PIP5K1B: variants seen among roughly 807,000 people sequenced by gnomAD.
The protein encoded by PIP5K1B is phosphatidylinositol 4-phosphate 5-kinase type-1 beta.
A neutral mutation model predicts 67.0 loss-of-function variants in PIP5K1B; 42 were observed. The ratio of observed to expected loss-of-function variants is 0.63; its 90% CI spans 0.49 to 0.81. The LOEUF (loss-of-function observed/expected upper bound fraction) is 0.81, where lower values mean the gene tolerates loss of function less well. Ranked by LOEUF, PIP5K1B falls within the 30% of genes least tolerant of loss-of-function variation. The pLI, the probability that PIP5K1B is intolerant of heterozygous loss-of-function variation, is 0.00. For missense variants in PIP5K1B, 459 were observed against 646.3 expected (o/e 0.71, Z 3.14); for synonymous variants, 214 against 231.4 (o/e 0.92, Z 0.68).
At position 68,914,288 on chromosome 9, in the gene PIP5K1B, G is replaced by A. The variant is rs113725467; in HGVS notation, c.772-3260G>A. On this transcript the variant is annotated intron_variant, in intron 8 of 15. Coordinates refer to ENST00000265382, the MANE Select transcript of PIP5K1B (RefSeq NM_003558.4). Reference sequence around the variant, plus strand: ...TTAAGCTTGACCACTCCTAACTTGAGTAAATGATTCTGGGTGCCTTTTGGG... The same window carrying A: ...TTAAGCTTGACCACTCCTAACTTGAATAAATGATTCTGGGTGCCTTTTGGG... 2.6e-5 allele frequency among the ~76,000 whole-genome samples: 4 copies of A among 152,298 alleles called. 1 individual carries two copies. Among genetic ancestry groups the A allele is most frequent in the African/African-American group, 9.6e-5 (4 of 41,556 alleles).
chr9:68,959,816 T>C (rs1828617160), intron 14 of PIP5K1B, among the ~76,000 whole-genome samples: 1 of 152,236 alleles, frequency 6.6e-6, no homozygotes. Context: ...TCAAACTCTT[T>C]AAAATGTCTA....
At chr9:68,907,602 G>A (rs147046254) in intron 8 of PIP5K1B, among the ~76,000 whole-genome samples, 15 of 151,922 alleles carry the variant, frequency 9.9e-5, no homozygotes, top group African/African-American at 3.1e-4. Context: ...TGACTTTCCC[G>A]GGCCTCAGAT....
chr9:68,778,218 T>C (rs1019483610), intron 2 of PIP5K1B, among the ~76,000 whole-genome samples: 2 of 152,324 alleles, frequency 1.3e-5, no homozygotes, highest in African/African-American at 2.4e-5. Context: ...TGTAGTGCCT[T>C]TTGCAATTTT....
chr9:68,926,746 A>G (rs1447978030), intron 12 of PIP5K1B, among the ~76,000 whole-genome samples: 2 of 151,806 alleles, frequency 1.3e-5, no homozygotes, highest in Admixed American at 6.6e-5. Flanking sequence ...TAATTTTTGT[A>G]TTTTTAGTAG....
At chr9:68,812,608 C>T (rs1044668220) in intron 2 of PIP5K1B, among the ~76,000 whole-genome samples, 1 of 152,194 alleles carries the variant, frequency 6.6e-6, no homozygotes, top group African/African-American at 2.4e-5. Context: ...AGACATGAAC[C>T]TTGTGAGTAT....
At chr9:68,870,858 A>G (rs2132293238) in intron 5 of PIP5K1B, among the ~76,000 whole-genome samples, 2 of 152,348 alleles carry the variant, frequency 1.3e-5, no homozygotes, top group East Asian at 3.9e-4. Flanking sequence ...TTTTGTCAAA[A>G]GTCCTCAGAG....
chr9:68,888,610 T>C (rs1824605971), intron 6 of PIP5K1B, among the ~76,000 whole-genome samples: 1 of 152,224 alleles, frequency 6.6e-6, no homozygotes, highest in South Asian at 2.1e-4. Flanking sequence ...GTTCAAGTGA[T>C]AAAACACAGT....
At chr9:68,923,818 CAT>C (rs1468394934) in intron 12 of PIP5K1B, among the ~76,000 whole-genome samples, 1 of 152,122 alleles carries the variant, frequency 6.6e-6, no homozygotes, top group Non-Finnish European at 1.5e-5. Context: ...TAGGATGGAT[CAT>C]ATGTTAGGCC....
chr9:68,721,137 G>T (rs1044694546), intron 1 of PIP5K1B, among the ~76,000 whole-genome samples: 1 of 152,174 alleles, frequency 6.6e-6, no homozygotes, highest in Non-Finnish European at 1.5e-5. Flanking sequence ...TGTCAGCTGT[G>T]CTAAGGAGTT....
intron 8 of PIP5K1B, among the ~76,000 whole-genome samples, chr9:68,912,732 A>G (rs1429792260): frequency 1.3e-5 from 2 of 152,138 alleles, no homozygotes; most frequent in Admixed American, 6.5e-5. Context: ...GAGCAAGGAG[A>G]CTGAACCACC....
intron 1 of PIP5K1B, among the ~76,000 whole-genome samples, chr9:68,711,668 G>GT (rs1271567158): frequency 6.6e-6 from 1 of 152,092 alleles, no homozygotes; most frequent in Non-Finnish European, 1.5e-5. Flanking sequence ...GTTTATAGTA[G>GT]TCCTTTTTTT....
chr9:68,766,747 C>A (rs1830446246), intron 2 of PIP5K1B, among the ~76,000 whole-genome samples: 1 of 151,926 alleles, frequency 6.6e-6, no homozygotes. Context: ...AAATAAATAT[C>A]TCTTTATTAC....
chr9:68,732,304 G>A (rs1471498279), intron 1 of PIP5K1B, among the ~76,000 whole-genome samples: 1 of 152,160 alleles, frequency 6.6e-6, no homozygotes, highest in Admixed American at 6.5e-5. Flanking sequence ...GTTGTCAAAA[G>A]GAATTCCCTT....
chr9:68,863,954 G>T lies in PIP5K1B; in HGVS notation c.187G>T (p.Val63Leu). The T allele has an allele frequency of 6.2e-7, 1 of 1,613,776 alleles. No homozygotes were observed. The highest frequency in any genetic ancestry group is 8.5e-7 in the Non-Finnish European group (1 of 1,179,766). The stretch of plus-strand genomic sequence containing the variant: ...GCAAGACTTTTATGTGGTGGAAAGT[G>T]TGTTCCTACCCAGGTAAGAACATTT... ...LMQDFYVVES[V>L]FLPSEGSNLT... The change falls in exon 5 of 16, where the codon GTG (valine) becomes TTG (leucine). Residue 63 changes from valine to leucine, a missense_variant. Val to Leu is a conservative substitution (Grantham distance 32). Transcript: ENST00000265382.
chr9:68,806,679 C>T (rs774483581), intron 2 of PIP5K1B, among the ~76,000 whole-genome samples: 6 of 152,198 alleles, frequency 3.9e-5, no homozygotes, highest in Non-Finnish European at 7.3e-5. Context: ...TTCCCTTCTC[C>T]ACGCCTGCTC....
At chr9:68,780,230 G>GGGCGGT (rs1227283593) in intron 2 of PIP5K1B, 1 of 1,543,354 alleles carries the variant, frequency 6.5e-7, no homozygotes, top group Non-Finnish European at 8.7e-7. Context: ...GCCCGGCGGA[G>GGGCGGT]GGCGGTGGCA....
In PIP5K1B at chr9:68,863,924, C is replaced by A. The variant is rs1420919498; in HGVS notation, c.157C>A (p.Leu53Ile). Residue 53 changes from leucine to isoleucine, a missense_variant, in exon 5 of 16, where the codon CTT (leucine) becomes ATT (isoleucine). Leu to Ile is a conservative substitution (Grantham distance 5). Coordinates refer to ENST00000265382, the MANE Select transcript of PIP5K1B (RefSeq NM_003558.4). ...CACTTCCAAGCCAGAACGAGATGTT[C>A]TTATGCAAGACTTTTATGTGGTGGA... ...NLTSKPERDV[L>I]MQDFYVVESV... 2 of 1,613,894 alleles carry A rather than the reference C, an allele frequency of 1.2e-6. No homozygotes were observed. Among genetic ancestry groups the A allele is most frequent in the South Asian group, 2.2e-5 (2 of 91,070 alleles).
chr9:68,719,953 T>C (rs1026209248), intron 1 of PIP5K1B, among the ~76,000 whole-genome samples: 1 of 152,198 alleles, frequency 6.6e-6, no homozygotes, highest in Non-Finnish European at 1.5e-5. Flanking sequence ...GCTTTAGAAA[T>C]GATCAGCAGC....
intron 6 of PIP5K1B, among the ~76,000 whole-genome samples, chr9:68,883,709 GATGCCTAC>G (rs1824311737): frequency 6.6e-6 from 1 of 151,878 alleles, no homozygotes; most frequent in Non-Finnish European, 1.5e-5. Context: ...TGTTTTTTCA[GATGCCTAC>G]ATCCTCAAGA....
Sources: gnomAD v4.1 joint callset for allele counts (sites outside exome capture counted in the v4.1 genomes callset) on GRCh38, gnomAD v4.1.1 for gene constraint, MANE v1.5 for transcripts, NCBI Gene and HGNC (gene_info 2026-07-23, HGNC 2026-07-21) for gene names.